Variants in TTC7A observed in about 807,000 individuals in gnomAD.
The protein encoded by TTC7A is tetratricopeptide repeat protein 7A.
In TTC7A, 110 loss-of-function variants were observed where a neutral mutation model predicts 103.7. The observed-to-expected ratio is 1.06, with a 90% CI of 0.91 to 1.24. The LOEUF is 1.24. Among genes scored for constraint, TTC7A ranks in the 50% most tolerant of loss-of-function variants. TTC7A has a pLI of 0.00. For synonymous variants in TTC7A, 521 were observed against 467.9 expected, an observed-to-expected ratio of 1.11 and a Z score of -1.47; for missense variants, 1,340 against 1,116.3, an observed-to-expected ratio of 1.20 and a Z score of -2.86.
At chr2:46,980,458 C>T (rs944910452) in intron 5 of TTC7A, among the ~76,000 whole-genome samples, 5 of 152,124 alleles carry the variant, frequency 3.3e-5, no homozygotes, top group African/African-American at 7.2e-5. Context: ...GTGATCCTCC[C>T]GCTTCAGCCT....
intron 18 of TTC7A, among the ~76,000 whole-genome samples, chr2:47,056,193 C>G (rs1253385412): frequency 6.6e-6 from 1 of 152,238 alleles, no homozygotes; most frequent in East Asian, 1.9e-4. Context: ...TTGATCTTCA[C>G]TCTCCTTCCT....
chr2:46,995,066 G>A (rs1676039541), intron 7 of TTC7A, 70 bp from the exon 8 acceptor site: 2 of 1,480,916 alleles, frequency 1.4e-6, no homozygotes, highest in Non-Finnish European at 9.4e-7. Flanking sequence ...CAGAAGGCTG[G>A]CATGGTGGGT....
chr2:46,925,395 TA>T (rs1163589554), intron 2 of TTC7A, among the ~76,000 whole-genome samples: 1 of 152,076 alleles, frequency 6.6e-6, no homozygotes, highest in Non-Finnish European at 1.5e-5. Flanking sequence ...CCATCTCTAC[TA>T]AAAATACAAA....
rs567461548 is a variant in TTC7A, at chr2:47,073,784, A to G, written c.2438A>G (p.His813Arg). 15 of 1,613,744 alleles carry G rather than the reference A, an allele frequency of 9.3e-6. No individual in the cohort carries two copies. The East Asian group carries it at 3.1e-4, about 34-fold the overall frequency. ...GCCGTGGAGAGGCAGAGTACGTGCC[A>G]CGAGGCGTGGCAGGGCCTGGGCGAG... is the stretch of plus-strand genomic sequence containing the variant. Reference protein sequence around the residue: ...RDAVERQSTCHEAWQGLGEVL... With the variant: ...RDAVERQSTCREAWQGLGEVL... Residue 813 changes from histidine (H) to arginine (R), a missense_variant, in exon 20 of 20, where the codon CAC becomes CGC. Transcript: ENST00000319190.
At chr2:46,921,091 C>G (rs1046109603) in intron 2 of TTC7A, among the ~76,000 whole-genome samples, 10 of 152,120 alleles carry the variant, frequency 6.6e-5, no homozygotes, top group Non-Finnish European at 1.5e-4. Flanking sequence ...ATGCTTTTCC[C>G]TTAATATCAG....
At chr2:47,011,753 G>T (rs998182190) in intron 11 of TTC7A, among the ~76,000 whole-genome samples, 2 of 152,242 alleles carry the variant, frequency 1.3e-5, no homozygotes, top group African/African-American at 4.8e-5. Context: ...TGAGTCACCT[G>T]GACCAGCCTC....
chr2:46,977,873 T>C (rs984166788), intron 4 of TTC7A, among the ~76,000 whole-genome samples: 4 of 152,240 alleles, frequency 2.6e-5, no homozygotes, highest in African/African-American at 9.6e-5. Flanking sequence ...ACATCTGTAA[T>C]TGACACTTTT....
intron 5 of TTC7A, among the ~76,000 whole-genome samples, chr2:46,980,507 T>C (rs1310098868): frequency 6.6e-6 from 1 of 152,194 alleles, no homozygotes; most frequent in Admixed American, 6.5e-5. Flanking sequence ...CCACTGTGCC[T>C]GGCCCTACTT....
Position 46,958,627 on chromosome 2 carries a change from C to A in TTC7A, c.517+1620C>A. ...TAGCTCCCGTTCCCCAGTGACTGCA[C>A]ATGGCCTCCCCTTTGCCTGCCTCCT... On this transcript the variant is annotated intron_variant, in intron 3 of 19. Transcript: ENST00000319190. 4.6e-6 allele frequency: 5 copies of A among 1,077,652 alleles called. No individual in the cohort carries two copies. The South Asian group carries it at 5.7e-5, about 12-fold the overall frequency. 66.8% of individuals were successfully genotyped at this position (1,077,652 alleles called of 1,614,324 possible).
chr2:46,987,461 A>T (rs1250883160), intron 5 of TTC7A, among the ~76,000 whole-genome samples: 1 of 152,204 alleles, frequency 6.6e-6, no homozygotes, highest in Admixed American at 6.5e-5. Flanking sequence ...CACTAGGACA[A>T]GTGCCTGGGC....
chr2:46,990,042 G>A (rs1675462130), intron 5 of TTC7A, among the ~76,000 whole-genome samples: 1 of 152,212 alleles, frequency 6.6e-6, no homozygotes, highest in Non-Finnish European at 1.5e-5. Context: ...GGTAGCAGGT[G>A]CCAGGACCTG....
In TTC7A at chr2:46,995,154, C is replaced by A; in HGVS notation, c.1020C>A (p.Asp340Glu). 1 of 1,614,206 alleles carries A rather than the reference C, an allele frequency of 6.2e-7. No homozygotes were observed. The highest frequency in any genetic ancestry group is 1.1e-5 in the South Asian group (1 of 91,078). Residue 340 changes from aspartate to glutamate, a missense_variant, in exon 8 of 20, where the codon GAC becomes GAA. Asp to Glu is a conservative substitution (Grantham distance 45). Transcript: ENST00000319190. Reference sequence around the variant, plus strand: ...CTTTCAGCCTCTACTGCCCCAAGGACAACATCGAGGAAGCCCTCCTGCTCC... The same window carrying A: ...CTTTCAGCCTCTACTGCCCCAAGGAAAACATCGAGGAAGCCCTCCTGCTCC... ...YEGDNLYCPK[D>E]NIEEALLLLL...
intron 19 of TTC7A, among the ~76,000 whole-genome samples, chr2:47,063,746 CCT>C (rs1683970927): frequency 6.6e-6 from 1 of 152,246 alleles, no homozygotes; most frequent in East Asian, 1.9e-4. Context: ...CCTTCCCTCC[CCT>C]GAGGGCACAG....
At chr2:47,067,570 G>C (rs183423471) in intron 19 of TTC7A, among the ~76,000 whole-genome samples, 3 of 152,340 alleles carry the variant, frequency 2.0e-5, no homozygotes, top group Admixed American at 6.5e-5. Context: ...TTTAAAATGA[G>C]TATCAGAGCT....
intron 1 of TTC7A, among the ~76,000 whole-genome samples, chr2:46,949,078 G>A (rs1671179712): frequency 6.6e-6 from 1 of 152,252 alleles, no homozygotes; most frequent in Non-Finnish European, 1.5e-5. Context: ...AGCCACCCAA[G>A]AACCATGGTG....
intron 8 of TTC7A, among the ~76,000 whole-genome samples, chr2:46,999,120 T>C (rs1676523347): frequency 6.6e-6 from 1 of 152,132 alleles, no homozygotes; most frequent in Non-Finnish European, 1.5e-5. Flanking sequence ...CTACCCACCA[T>C]TCATTCGTCC....
intron 8 of TTC7A, among the ~76,000 whole-genome samples, chr2:47,004,501 C>G (rs1056344501): frequency 3.9e-5 from 6 of 152,212 alleles, no homozygotes; most frequent in African/African-American, 1.4e-4. Context: ...TGAGGGAGAT[C>G]TGGGTTTTTA....
At chr2:46,961,604 T>TAAATAAATAAATAAATAAATAAAA (rs765403034) in intron 3 of TTC7A, among the ~76,000 whole-genome samples, 26 of 144,838 alleles carry the variant, frequency 1.8e-4, no homozygotes, top group African/African-American at 5.9e-4. Context: ...AATAAATAAA[T>TAAATAAATAAATAAATAAATAAAA]AAAATAAAAA....
At position 46,974,967 on chromosome 2, in the gene TTC7A, C is replaced by T. The variant is rs754270867; in HGVS notation, c.518-6C>T. On this transcript the variant is annotated splice_region_variant and splice_polypyrimidine_tract_variant and intron_variant, in intron 3 of 19. Coordinates refer to ENST00000319190, the MANE Select transcript of TTC7A (RefSeq NM_020458.4). The stretch of plus-strand genomic sequence containing the variant: ...ACAGGTCTGAGGCACCCTCTTCCTC[C>T]CGCAGGCCTCTCTCTGGAACGCCTA... 1.6e-5 allele frequency: 26 copies of T among 1,612,980 alleles called. No homozygotes were observed. Among genetic ancestry groups the T allele is most frequent in the Middle Eastern group, 3.4e-4 (2 of 5,892 alleles).
Sources: gnomAD v4.1 joint callset for allele counts (sites outside exome capture counted in the v4.1 genomes callset) on GRCh38, gnomAD v4.1.1 for gene constraint, MANE v1.5 for transcripts, NCBI Gene and HGNC (gene_info 2026-07-23, HGNC 2026-07-21) for gene names.